Variants in GRIK1 observed in about 807,000 individuals in gnomAD.
The protein encoded by GRIK1 is glutamate receptor ionotropic, kainate 1.
Under a neutral mutation model 105.7 loss-of-function variants are expected in GRIK1, and 69 were observed. That is an observed-to-expected ratio of 0.65 (90% confidence interval 0.54 to 0.80). GRIK1 has a LOEUF of 0.80. Among genes scored for constraint, GRIK1 ranks in the 30% least tolerant of loss-of-function variants. The pLI is 0.00. For missense variants in GRIK1, 1,109 were observed against 1,167.3 expected (o/e 0.95, Z 0.73); for synonymous variants, 438 against 431.3 (o/e 1.02, Z -0.19).
At chr21:29,602,317 A>G (rs745362853) in intron 7 of GRIK1, among the ~76,000 whole-genome samples, 2 of 152,356 alleles carry the variant, frequency 1.3e-5, no homozygotes, top group African/African-American at 2.4e-5. Context: ...ACATATTACT[A>G]TCTGGCTGGG....
intron 1 of GRIK1, among the ~76,000 whole-genome samples, chr21:29,700,133 C>A (rs1340408532): frequency 6.6e-6 from 1 of 152,178 alleles, no homozygotes. Context: ...ACCACAGGAG[C>A]ATTTCTGTCT....
chr21:29,608,072 AGT>A (rs944596845), intron 7 of GRIK1, among the ~76,000 whole-genome samples: 1 of 152,086 alleles, frequency 6.6e-6, no homozygotes, highest in Non-Finnish European at 1.5e-5. Flanking sequence ...GATTACCATT[AGT>A]GTGTGTATGT....
chr21:29,774,668 T>C (rs1249844372), intron 1 of GRIK1, among the ~76,000 whole-genome samples: 1 of 152,170 alleles, frequency 6.6e-6, no homozygotes, highest in East Asian at 1.9e-4. Flanking sequence ...GCCAGGCTGG[T>C]CTCAATCTCC....
In GRIK1 at chr21:29,879,980, T is replaced by C. The variant is rs544341087; in HGVS notation, c.118+59403A>G. On this transcript the variant is annotated intron_variant, in intron 1 of 17. Transcript: ENST00000327783. ...TGGTGAAAAGAGTTTACATATGCAATTGTTACAGTAATAGTTCCCTGAAGC... is the reference window on the plus strand; with the variant it reads ...TGGTGAAAAGAGTTTACATATGCAACTGTTACAGTAATAGTTCCCTGAAGC... Among the ~76,000 whole-genome samples the C allele has an allele frequency of 1.4e-4, 21 of 152,252 alleles. No homozygotes were observed. The South Asian group carries it at 4.1e-3, about 30-fold the overall frequency.
intron 1 of GRIK1, among the ~76,000 whole-genome samples, chr21:29,789,700 C>G (rs2066359848): frequency 6.6e-6 from 1 of 152,076 alleles, no homozygotes; most frequent in Admixed American, 6.5e-5. Context: ...TTTCTTAAGT[C>G]CAGATTTGTT....
chr21:29,788,183 C>G (rs1031484391), intron 1 of GRIK1, among the ~76,000 whole-genome samples: 2 of 152,128 alleles, frequency 1.3e-5, no homozygotes, highest in African/African-American at 2.4e-5. Context: ...CAAATCTATA[C>G]AACATGTCAG....
At chr21:29,702,399 T>C (rs898088014) in intron 1 of GRIK1, among the ~76,000 whole-genome samples, 3 of 152,032 alleles carry the variant, frequency 2.0e-5, no homozygotes, top group African/African-American at 7.2e-5. Flanking sequence ...AGATAGAAAT[T>C]TGGGAGTCAC....
chr21:29,775,080 A>T lies in GRIK1; in HGVS notation c.119-81017T>A, dbSNP rs141521795. On this transcript the variant is annotated intron_variant, in intron 1 of 17. Coordinates refer to ENST00000327783, the MANE Select transcript of GRIK1 (RefSeq NM_001330994.2). ...ACGCCTGTAATCCCAGCACTCTGGG[A>T]GGCCAAGGCTGGCAGATCACGAGGT... Among the ~76,000 whole-genome samples, 1,040 of 152,160 alleles carry T rather than the reference A, an allele frequency of 6.8e-3. 4 individuals are homozygous for T. The highest frequency in any genetic ancestry group is 0.024 in the African/African-American group (995 of 41,508).
At chr21:29,927,190 G>A (rs1420112166) in intron 1 of GRIK1, among the ~76,000 whole-genome samples, 1 of 151,890 alleles carries the variant, frequency 6.6e-6, no homozygotes, top group Non-Finnish European at 1.5e-5. Context: ...TTGTCTCCAG[G>A]TAGAATAGGT....
chr21:29,604,739 A>T (rs189226567), intron 7 of GRIK1, among the ~76,000 whole-genome samples: 157 of 152,292 alleles, frequency 1.0e-3, no homozygotes, highest in African/African-American at 2.7e-3. Context: ...CCTGCATCAG[A>T]TCTTCATGTC....
chr21:29,656,354 CAAAAAAAAAAAAAAAAAAAAAAAAA>C (rs3054331), intron 4 of GRIK1, among the ~76,000 whole-genome samples: 5 of 51,132 alleles, frequency 9.8e-5, no homozygotes, highest in African/African-American at 2.7e-4. Flanking sequence ...GAGCGAGACT[CAAAAAAAAAAAAAAAAAAAAAAAAA>C]AAAAAAAAAA....
At chr21:29,841,806 C>T (rs1231083931) in intron 1 of GRIK1, among the ~76,000 whole-genome samples, 1 of 152,200 alleles carries the variant, frequency 6.6e-6, no homozygotes, top group Non-Finnish European at 1.5e-5. Flanking sequence ...CTCTTTGCCC[C>T]TCCCTCTTGG....
intron 1 of GRIK1, among the ~76,000 whole-genome samples, chr21:29,742,308 C>T (rs891303657): frequency 6.6e-6 from 1 of 152,110 alleles, no homozygotes; most frequent in Non-Finnish European, 1.5e-5. Flanking sequence ...ATTAGAAATA[C>T]ATTAAATGCA....
At chr21:29,553,183 A>G (rs1000809961) in intron 16 of GRIK1, 1 of 982,380 alleles carries the variant, frequency 1.0e-6, no homozygotes, top group Non-Finnish European at 1.2e-6. Context: ...ACAAAGATGA[A>G]AAGAAGTCCA....
chr21:29,633,784 T>A (rs1380421338), intron 7 of GRIK1, among the ~76,000 whole-genome samples: 1 of 152,168 alleles, frequency 6.6e-6, no homozygotes. Flanking sequence ...GGCTTTCTTT[T>A]ACACAGTGAA....
Position 29,596,550 on chromosome 21 carries a change from T to A in GRIK1, c.1227A>T (p.Lys409Asn). Residue 409 changes from lysine (K) to asparagine (N), a missense_variant, in exon 9 of 18, where the codon AAA (lysine) becomes AAT (asparagine). Physicochemically the swap from Lys to Asn is moderately conservative, Grantham distance 94. Transcript: ENST00000327783. ...CCTTCTTCCACACTTTATACAAGTGTTTAGACACTTCGCCAGCAGCCTTGG... is the reference window on the plus strand; with the variant it reads ...CCTTCTTCCACACTTTATACAAGTGATTAGACACTTCGCCAGCAGCCTTGG... The part of the protein sequence containing the change: ...GTEKAAGEVS[K>N]HLYKVWKKIG... 6.2e-7 allele frequency: 1 copy of A among 1,610,360 alleles called. No homozygotes were observed. Among genetic ancestry groups the A allele is most frequent in the Non-Finnish European group, 8.5e-7 (1 of 1,176,590 alleles).
intron 14 of GRIK1, among the ~76,000 whole-genome samples, chr21:29,563,134 C>T (rs755536433): frequency 3.0e-4 from 45 of 152,126 alleles, no homozygotes; most frequent in Non-Finnish European, 5.7e-4. Context: ...ATAGTGCTCG[C>T]ACACATTAGA....
intron 13 of GRIK1, among the ~76,000 whole-genome samples, chr21:29,578,872 A>G (rs1176960770): frequency 1.3e-5 from 2 of 152,346 alleles, no homozygotes; most frequent in African/African-American, 2.4e-5. Flanking sequence ...TATCATTAAA[A>G]TACCATTTAT....
intron 1 of GRIK1, among the ~76,000 whole-genome samples, chr21:29,896,084 A>G (rs1315563680): frequency 6.6e-6 from 1 of 152,142 alleles, no homozygotes; most frequent in African/African-American, 2.4e-5. Flanking sequence ...CTGATATTCT[A>G]TCCTATAGCT....
Sources: gnomAD v4.1 joint callset for allele counts (sites outside exome capture counted in the v4.1 genomes callset) on GRCh38, gnomAD v4.1.1 for gene constraint, MANE v1.5 for transcripts, NCBI Gene and HGNC (gene_info 2026-07-23, HGNC 2026-07-21) for gene names.